Variants in FAAH2 observed in about 807,000 individuals in gnomAD.
FAAH2 encodes fatty-acid amide hydrolase 2.
In FAAH2, 60 loss-of-function variants were observed where a neutral mutation model predicts 36.9. That is an observed-to-expected ratio of 1.63 (90% CI 1.32 to 2.02). FAAH2 has a LOEUF of 2.02. FAAH2 is among the 30% of genes most tolerant of loss of function. The probability of loss-of-function intolerance (pLI) is 0.00; values close to 1 mark genes in which losing one functional copy is unlikely to be tolerated. For missense variants in FAAH2, 689 were observed against 397.5 expected (o/e 1.73, Z -6.23); for synonymous variants, 214 against 143.8 (o/e 1.49, Z -3.49).
At chrX:57,159,483 T>C in the FAAH2 span, among the ~76,000 whole-genome samples, 1 of 111,534 alleles carries the variant, frequency 9.0e-6, no homozygotes, top group Non-Finnish European at 1.9e-5. Context: ...CATGGAATGT[T>C]CTTCCATTTG....
At chrX:57,460,725 A>G (rs922882250) in intron 10 of FAAH2, among the ~76,000 whole-genome samples, 3 of 112,029 alleles carry the variant, frequency 2.7e-5, no homozygotes, top group Admixed American at 9.5e-5. Context: ...CAATGACACT[A>G]TGAAGAAACA....
the FAAH2 span, among the ~76,000 whole-genome samples, chrX:57,259,893 A>C: frequency 8.9e-6 from 1 of 111,827 alleles, no homozygotes; most frequent in South Asian, 3.7e-4. Flanking sequence ...CTTCCTTTCT[A>C]CTGTTATTTG....
the FAAH2 span, among the ~76,000 whole-genome samples, chrX:57,219,798 G>T: frequency 2.9e-5 from 3 of 103,396 alleles, no homozygotes; most frequent in African/African-American, 7.3e-5. Context: ...AGTCCTCTAG[G>T]CTGCCTCATA....
intron 8 of FAAH2, among the ~76,000 whole-genome samples, chrX:57,438,723 G>A (rs1455239766): frequency 9.3e-6 from 1 of 107,947 alleles, no homozygotes; most frequent in African/African-American, 3.4e-5. Context: ...TTAACATTAG[G>A]TGTATCTCCT....
intron 2 of FAAH2, among the ~76,000 whole-genome samples, chrX:57,295,144 G>A (rs2052097724): frequency 8.9e-6 from 1 of 111,737 alleles, no homozygotes; most frequent in Admixed American, 9.5e-5. Flanking sequence ...CTTTGAAAGG[G>A]GACCTCATAT....
chrX:57,404,033 C>T, intron 7 of FAAH2, among the ~76,000 whole-genome samples: 1 of 112,685 alleles, frequency 8.9e-6, no homozygotes, highest in South Asian at 3.7e-4. Flanking sequence ...TAATTTTCTA[C>T]TTTCTTCTGT....
chrX:57,149,222 T>G, the FAAH2 span, among the ~76,000 whole-genome samples: 4 of 111,620 alleles, frequency 3.6e-5, no homozygotes, highest in African/African-American at 1.3e-4. Flanking sequence ...AATTCTCTTT[T>G]TTGGTTGTGT....
chrX:57,419,565 G>C (rs2055950266), intron 7 of FAAH2, among the ~76,000 whole-genome samples: 1 of 111,608 alleles, frequency 9.0e-6, no homozygotes, highest in African/African-American at 3.3e-5. Context: ...TGATGGGGTT[G>C]TTTGTTTTTT....
chrX:57,148,991 G>A, the FAAH2 span, among the ~76,000 whole-genome samples: 1 of 111,654 alleles, frequency 9.0e-6, no homozygotes, highest in Non-Finnish European at 1.9e-5. Context: ...TTTGTCAAAG[G>A]CCTTTTCTGC....
intron 4 of FAAH2, among the ~76,000 whole-genome samples, chrX:57,339,041 G>A (rs765681725): frequency 2.7e-5 from 3 of 111,624 alleles, no homozygotes; most frequent in East Asian, 2.8e-4. Flanking sequence ...AACCAAAACA[G>A]CATGGTACTG....
the FAAH2 span, among the ~76,000 whole-genome samples, chrX:57,148,644 C>A: frequency 1.8e-5 from 2 of 111,926 alleles, no homozygotes; most frequent in South Asian, 7.5e-4. Context: ...TGCTTATCGG[C>A]TTAAGGAGAT....
intron 2 of FAAH2, among the ~76,000 whole-genome samples, chrX:57,296,785 G>A (rs2052176866): frequency 8.9e-6 from 1 of 111,823 alleles, no homozygotes; most frequent in Non-Finnish European, 1.9e-5. Flanking sequence ...GAAAACCACA[G>A]CACCAGAACT....
rs771450200 is a variant in FAAH2 at position 57,464,178 on chromosome X, T to G, written c.1423+15460T>G. Reference sequence around the variant, plus strand: ...GGAACAGAAAACCAAACACTGCATGTTTTTACTCAAAAGCGGGAGTTGAAC... The same window carrying G: ...GGAACAGAAAACCAAACACTGCATGGTTTTACTCAAAAGCGGGAGTTGAAC... On this transcript the variant is annotated intron_variant, in intron 10 of 10. Transcript: ENST00000374900. Among the ~76,000 whole-genome samples the G allele has an allele frequency of 2.7e-5, 3 of 111,373 alleles. No homozygotes were observed. In the South Asian group the frequency reaches 1.1e-3, roughly 42 times the overall value.
In FAAH2 at chrX:57,449,961, T is replaced by C. The variant is rs2056754708; in HGVS notation, c.1423+1243T>C. 2.7e-5 allele frequency among the ~76,000 whole-genome samples: 3 copies of C among 111,932 alleles called. No individual in the cohort carries two copies. In the Admixed American group the frequency reaches 2.9e-4, roughly 11 times the overall value. ...GATTGCATACATGAGCCACCATGCCTGGCCTTAATTTCTTAAGTCTTTGAA... is the reference window on the plus strand; with the variant it reads ...GATTGCATACATGAGCCACCATGCCCGGCCTTAATTTCTTAAGTCTTTGAA... On this transcript the variant is annotated intron_variant, in intron 10 of 10. Transcript: ENST00000374900.
chrX:57,236,025 A>G, the FAAH2 span, among the ~76,000 whole-genome samples: 1 of 112,244 alleles, frequency 8.9e-6, no homozygotes, highest in African/African-American at 3.2e-5. Flanking sequence ...AGCCTCTGGT[A>G]AACAGTATGC....
the FAAH2 span, among the ~76,000 whole-genome samples, chrX:57,224,518 G>T: frequency 9.0e-6 from 1 of 111,164 alleles, no homozygotes; most frequent in African/African-American, 3.3e-5. Context: ...GTCCCAAGGC[G>T]CAAGGGCCAC....
At chrX:57,291,859 C>T (rs1026377206) in intron 1 of FAAH2, among the ~76,000 whole-genome samples, 3 of 111,038 alleles carry the variant, frequency 2.7e-5, no homozygotes, top group African/African-American at 9.8e-5. Context: ...TAACTTAAGA[C>T]CTTTGGTTTA....
chrX:57,488,437 T>C (rs2057513930), intron 10 of FAAH2, among the ~76,000 whole-genome samples: 1 of 111,675 alleles, frequency 9.0e-6, no homozygotes, highest in African/African-American at 3.2e-5. Context: ...GAAAGAACTT[T>C]AGGCTATTAT....
At chrX:57,323,677 G>T (rs2053107638) in intron 3 of FAAH2, among the ~76,000 whole-genome samples, 1 of 92,380 alleles carries the variant, frequency 1.1e-5, no homozygotes, top group African/African-American at 3.7e-5. Flanking sequence ...CTTGTTGATG[G>T]GGTTGTTTTT....
Sources: allele counts gnomAD v4.1 joint callset (sites outside exome capture counted in the v4.1 genomes callset), GRCh38; gene constraint gnomAD v4.1.1; transcripts MANE v1.5; gene names NCBI Gene and HGNC (gene_info 2026-07-23, HGNC 2026-07-21).